Variants in MVB12B observed in about 807,000 individuals in gnomAD.
The protein encoded by MVB12B is ESCRT-I complex subunit MVB12B.
In MVB12B, 16 loss-of-function variants were observed where a neutral mutation model predicts 41.6. The observed-to-expected ratio is 0.38, with a 90% CI of 0.26 to 0.58. MVB12B has a LOEUF of 0.58. Ranked by LOEUF, MVB12B falls within the 20% of genes least tolerant of loss-of-function variation. The probability of loss-of-function intolerance (pLI) is 0.62; values close to 1 mark genes in which losing one functional copy is unlikely to be tolerated. For missense variants in MVB12B, 274 were observed against 380.2 expected (o/e 0.72, Z 2.32); for synonymous variants, 133 against 139.7 (o/e 0.95, Z 0.34).
intron 7 of MVB12B, among the ~76,000 whole-genome samples, chr9:126,455,156 ATTTATTTTATTTTATTTTATTT>A (rs1832956352): frequency 6.6e-6 from 1 of 152,006 alleles, no homozygotes; most frequent in Non-Finnish European, 1.5e-5. Flanking sequence ...CTAGAGGTGA[ATTTATTTTATTTTATTTTATTT>A]TTTATTTTAT....
At chr9:126,360,886 T>G (rs1253324976) in intron 2 of MVB12B, among the ~76,000 whole-genome samples, 1 of 152,234 alleles carries the variant, frequency 6.6e-6, no homozygotes, top group Non-Finnish European at 1.5e-5. Context: ...CATATATTAG[T>G]ATAGCCACTA....
At chr9:126,396,360 A>G (rs1484136247) in intron 6 of MVB12B, 2 of 985,584 alleles carry the variant, frequency 2.0e-6, no homozygotes, top group African/African-American at 3.5e-5. Context: ...ACTAAGGGCA[A>G]GGAACAAACA....
intron 7 of MVB12B, among the ~76,000 whole-genome samples, chr9:126,441,400 C>T (rs1326525005): frequency 6.6e-6 from 1 of 152,178 alleles, no homozygotes; most frequent in Non-Finnish European, 1.5e-5. Flanking sequence ...GAGATGAACT[C>T]AGTAAGCGAT....
At chr9:126,365,111 TG>T (rs1230719916) in intron 2 of MVB12B, among the ~76,000 whole-genome samples, 1 of 151,294 alleles carries the variant, frequency 6.6e-6, no homozygotes, top group Non-Finnish European at 1.5e-5. Flanking sequence ...TGGAGTGCAG[TG>T]GTGCAATCTT....
intron 3 of MVB12B, among the ~76,000 whole-genome samples, chr9:126,385,611 G>A (rs1348986383): frequency 6.6e-6 from 1 of 152,214 alleles, no homozygotes; most frequent in African/African-American, 2.4e-5. Context: ...TTCACACTGG[G>A]CTTCGGGGAT....
intron 7 of MVB12B, among the ~76,000 whole-genome samples, chr9:126,451,651 T>G (rs1483256752): frequency 6.6e-6 from 1 of 151,916 alleles, no homozygotes; most frequent in Non-Finnish European, 1.5e-5. Flanking sequence ...GATGAGGCAC[T>G]GCAGGAACTC....
intron 7 of MVB12B, among the ~76,000 whole-genome samples, chr9:126,423,754 G>A (rs1001178600): frequency 5.3e-5 from 8 of 152,296 alleles, no homozygotes; most frequent in Non-Finnish European, 1.2e-4. Flanking sequence ...AAGGCTGCCC[G>A]CCCACCCACT....
At position 126,410,563 on chromosome 9, in the gene MVB12B, A is replaced by G. The variant is rs148640754; in HGVS notation, c.663-11291A>G. On this transcript the variant is annotated intron_variant, in intron 6 of 9. Transcript: ENST00000361171. Reference sequence around the variant, plus strand: ...AGTAGTAACTGCCATAGTCCTAAATAATTACAGGAGTGAAAATTCCAGGAA... The same window carrying G: ...AGTAGTAACTGCCATAGTCCTAAATGATTACAGGAGTGAAAATTCCAGGAA... Among the ~76,000 whole-genome samples, 327 of 152,240 alleles carry G rather than the reference A, an allele frequency of 2.1e-3. 1 individual carries two copies. Among genetic ancestry groups the G allele is most frequent in the African/African-American group, 7.3e-3 (305 of 41,534 alleles).
Position 126,327,009 on chromosome 9 carries a change from C to A in MVB12B, c.80C>A (p.Thr27Lys), listed in dbSNP as rs1828990055. ...QPPPPPPQRGTDQSTMPEVKD... is the reference protein window; with the variant it reads ...QPPPPPPQRGKDQSTMPEVKD... Reference sequence around the variant, plus strand: ...CCGCCGCCGCCGCCCCAGCGGGGAACAGTTAAGTGAGGCCCGGGCGCCGCG... The same window carrying A: ...CCGCCGCCGCCGCCCCAGCGGGGAAAAGTTAAGTGAGGCCCGGGCGCCGCG... Residue 27 changes from threonine (T) to lysine (K), a missense_variant and splice_region_variant, in exon 1 of 10, where the codon ACA (threonine) becomes AAA (lysine). By Grantham distance (78) the Thr-to-Lys change is moderately conservative. Transcript: ENST00000361171. 3 of 196,630 alleles carry A rather than the reference C, an allele frequency of 1.5e-5. No individual in the cohort carries two copies. Among genetic ancestry groups the A allele is most frequent in the African/African-American group, 2.4e-5 (1 of 41,396 alleles). 12.2% of individuals were successfully genotyped at this position (196,630 alleles called of 1,614,324 possible).
In MVB12B at chr9:126,448,220, T is replaced by C. The variant is rs530283197; in HGVS notation, c.757+26272T>C. 1.2e-3 allele frequency: 189 copies of C among 153,102 alleles called. 3 individuals carry two copies. Among genetic ancestry groups the C allele is most frequent in the Non-Finnish European group, 2.2e-3 (154 of 68,464 alleles). 9.5% of individuals were successfully genotyped at this position (153,102 alleles called of 1,614,324 possible). On this transcript the variant is annotated intron_variant, in intron 7 of 9. Coordinates refer to ENST00000361171, the MANE Select transcript of MVB12B (RefSeq NM_033446.3). ...GAGCACCACAGCCTCCTGTACACCC[T>C]GAGCTATGCCTCTCAAGGCCCTCCA...
intron 7 of MVB12B, among the ~76,000 whole-genome samples, chr9:126,432,420 T>A (rs1832353965): frequency 6.6e-6 from 1 of 152,210 alleles, no homozygotes; most frequent in South Asian, 2.1e-4. Context: ...TTTCTCTACC[T>A]CTGTCTCTCT....
chr9:126,439,597 C>T (rs149520222), intron 7 of MVB12B, among the ~76,000 whole-genome samples: 370 of 152,336 alleles, frequency 2.4e-3, no homozygotes, highest in South Asian at 5.0e-3. Flanking sequence ...GCCTAGAGCA[C>T]GCTCACACGT....
In MVB12B at chr9:126,392,049, A is replaced by T; in HGVS notation, c.410-17A>T. Reference sequence around the variant, plus strand: ...TCTCTGGAAAACTCATACCTTTTCTATTGTCCTTTCCTTCAGAGGAAGTGG... The same window carrying T: ...TCTCTGGAAAACTCATACCTTTTCTTTTGTCCTTTCCTTCAGAGGAAGTGG... On this transcript the variant is annotated splice_polypyrimidine_tract_variant and intron_variant, in intron 4 of 9. Transcript: ENST00000361171. The surrounding 1 kb of genome is among the most constrained non-coding windows in gnomAD (Gnocchi z 4.8). 6.2e-7 allele frequency: 1 copy of T among 1,613,988 alleles called. No individual in the cohort carries two copies. The highest frequency in any genetic ancestry group is 8.5e-7 in the Non-Finnish European group (1 of 1,179,874).
At chr9:126,346,976 GA>G (rs1231136572) in intron 2 of MVB12B, among the ~76,000 whole-genome samples, 2 of 152,244 alleles carry the variant, frequency 1.3e-5, no homozygotes, top group African/African-American at 2.4e-5. Flanking sequence ...GAGAGGTTGA[GA>G]GTGCAGATGG....
At position 126,475,033 on chromosome 9, in the gene MVB12B, C is replaced by T. The variant is rs933960894; in HGVS notation, c.758-6336C>T. Among the ~76,000 whole-genome samples the T allele has an allele frequency of 2.0e-5, 3 of 152,332 alleles. No homozygotes were observed. The East Asian group carries it at 5.8e-4, about 29-fold the overall frequency. ...AGTCAGATCACGTCATTGACTTACT[C>T]ACCTACAGCCGCCTTCTTTCCTGTC... On this transcript the variant is annotated intron_variant, in intron 7 of 9. Transcript: ENST00000361171.
intron 7 of MVB12B, among the ~76,000 whole-genome samples, chr9:126,465,710 C>T (rs1309210323): frequency 6.6e-6 from 1 of 152,008 alleles, no homozygotes; most frequent in African/African-American, 2.4e-5. Flanking sequence ...CTGGGTCCTT[C>T]CAGCAGTGTG....
intron 6 of MVB12B, among the ~76,000 whole-genome samples, chr9:126,415,802 G>A (rs1831802255): frequency 6.6e-6 from 1 of 152,114 alleles, no homozygotes; most frequent in Non-Finnish European, 1.5e-5. Flanking sequence ...CTGGTGACAT[G>A]AAAACAAGTC....
At chr9:126,448,729 C>T (rs1279164773) in intron 7 of MVB12B, among the ~76,000 whole-genome samples, 6 of 152,014 alleles carry the variant, frequency 3.9e-5, no homozygotes, top group Non-Finnish European at 7.4e-5. Flanking sequence ...AACCAGATCT[C>T]GGTGAATTAA....
intron 7 of MVB12B, among the ~76,000 whole-genome samples, chr9:126,426,334 C>T (rs1005866092): frequency 6.6e-6 from 1 of 152,170 alleles, no homozygotes. Context: ...CTGTAGCTTT[C>T]CTGGTGCTGG....
Sources: gnomAD v4.1 joint callset for allele counts (sites outside exome capture counted in the v4.1 genomes callset) on GRCh38, gnomAD v4.1.1 for gene constraint, Gnocchi (gnomAD v3.1) non-coding constraint, MANE v1.5 for transcripts, NCBI Gene and HGNC (gene_info 2026-07-23, HGNC 2026-07-21) for gene names.